Variants in OPRM1 observed in about 807,000 individuals in gnomAD.
The protein encoded by OPRM1 is opioid receptor mu 1.
In OPRM1, 27 loss-of-function variants were observed where a neutral mutation model predicts 31.8. The observed-to-expected ratio is 0.85, with a 90% CI of 0.63 to 1.17. The LOEUF (loss-of-function observed/expected upper bound fraction) is 1.17, where lower values mean the gene tolerates loss of function less well. OPRM1 is among the 50% of genes most tolerant of loss of function. OPRM1 has a pLI of 0.00. For synonymous variants in OPRM1, 196 were observed against 189.9 expected (o/e 1.03, Z -0.26); for missense variants, 536 against 511.1 (o/e 1.05, Z -0.47).
intron 1 of OPRM1, among the ~76,000 whole-genome samples, 197 bp downstream of exon 1, chr6:154,040,031 TAAAG>T (rs556101319): frequency 1.6e-4 from 24 of 152,028 alleles, no homozygotes; most frequent in South Asian, 1.5e-3. Flanking sequence ...CTTCAACTGA[TAAAG>T]AAAGAATTCA....
rs1054490730 is a variant in OPRM1, at chr6:154,132,251, T to A, written c.*13530T>A. On this transcript the variant is annotated 3_prime_UTR_variant, in exon 4 of 4. Transcript: ENST00000330432. ...ATAAATTTTTGCATTGTATTGTTCT[T>A]GATGTACCAGCATACATAAACATAT... 1.3e-4 allele frequency among the ~76,000 whole-genome samples: 20 copies of A among 152,228 alleles called. No homozygotes were observed. Among genetic ancestry groups the A allele is most frequent in the African/African-American group, 4.6e-4 (19 of 41,458 alleles).
At position 154,164,207 on chromosome 6, in the gene OPRM1, G is replaced by T. The variant is rs1799245468; in HGVS notation, c.1164+72735G>T. Among the ~76,000 whole-genome samples the T allele has an allele frequency of 2.6e-5, 4 of 152,226 alleles. No individual in the cohort carries two copies. In the South Asian group the frequency reaches 6.2e-4, roughly 24 times the overall value. ...TCTTTGAAAATTAATAAAAATTGGG[G>T]AAACTGACTTTGCATACATGAATTA... On this transcript the variant is annotated intron_variant, in intron 3 of 3. Transcript: ENST00000337049.
chr6:154,140,837 T>G (rs1393028086), intron 3 of OPRM1, among the ~76,000 whole-genome samples: 1 of 152,226 alleles, frequency 6.6e-6, no homozygotes, highest in Admixed American at 6.5e-5. Flanking sequence ...GGCCACTTCC[T>G]AACTACTCAG....
At chr6:154,212,920 C>G in intron 3 of OPRM1, 1 of 1,116,806 alleles carries the variant, frequency 9.0e-7, no homozygotes, top group Non-Finnish European at 1.4e-6. Context: ...AATGCATGAG[C>G]AGAGGTTTAT....
In OPRM1 at chr6:154,119,279, T is replaced by TA; in HGVS notation, c.*565dup. 7 of 985,524 alleles carry TA rather than the reference T, an allele frequency of 7.1e-6. No homozygotes were observed. The highest frequency in any genetic ancestry group is 8.4e-6 in the Non-Finnish European group (7 of 829,880). 61.0% of individuals were successfully genotyped at this position (985,524 alleles called of 1,614,324 possible). The stretch of plus-strand genomic sequence containing the variant: ...CTCCATTTCTTGGTTTTGTATTGTT[T>TA]AAAAAAATAACATCTCTTTCATCTA... On this transcript the variant is annotated 3_prime_UTR_variant, in exon 4 of 4. Transcript: ENST00000330432.
At chr6:154,209,325 T>C (rs1583804340) in intron 3 of OPRM1, among the ~76,000 whole-genome samples, 1 of 152,308 alleles carries the variant, frequency 6.6e-6, no homozygotes, top group East Asian at 1.9e-4. Flanking sequence ...CTATACTGTA[T>C]TGGGCCAAAC....
At chr6:154,040,612 G>A (rs1258457106) in intron 1 of OPRM1, among the ~76,000 whole-genome samples, 1 of 152,150 alleles carries the variant, frequency 6.6e-6, no homozygotes, top group Non-Finnish European at 1.5e-5. Flanking sequence ...CGCAGGACAT[G>A]GCTGTATTTC....
chr6:154,019,504 A>G (rs768839593), intron 1 of OPRM1, among the ~76,000 whole-genome samples: 2 of 152,122 alleles, frequency 1.3e-5, no homozygotes, highest in Non-Finnish European at 2.9e-5. Flanking sequence ...TTATAGTACC[A>G]TATAGAATAG....
intron 1 of OPRM1, among the ~76,000 whole-genome samples, chr6:154,052,135 C>T (rs750670822): frequency 6.6e-6 from 1 of 151,832 alleles, no homozygotes; most frequent in Non-Finnish European, 1.5e-5. Flanking sequence ...AATGAGAACA[C>T]GTGGACACAG....
upstream of OPRM1, among the ~76,000 whole-genome samples, chr6:154,037,566 A>G (rs1177596908): frequency 1.3e-5 from 2 of 152,120 alleles, no homozygotes; most frequent in African/African-American, 4.8e-5. Context: ...TCAGAACTAC[A>G]TCTTATAAGA....
chr6:154,058,997 T>C (rs1583285223), intron 1 of OPRM1, among the ~76,000 whole-genome samples: 1 of 152,182 alleles, frequency 6.6e-6, no homozygotes, highest in Non-Finnish European at 1.5e-5. Flanking sequence ...TGCTTAAAAA[T>C]TGTTTTATTC....
intron 1 of OPRM1, among the ~76,000 whole-genome samples, chr6:154,015,954 T>C (rs1777980041): frequency 6.6e-6 from 1 of 151,898 alleles, no homozygotes; most frequent in Admixed American, 6.6e-5. Context: ...GAGGTTGAAA[T>C]CACATTCTGT....
intron 1 of OPRM1, among the ~76,000 whole-genome samples, chr6:154,013,710 G>A (rs1399254145): frequency 1.3e-5 from 2 of 152,044 alleles, no homozygotes; most frequent in African/African-American, 2.4e-5. Flanking sequence ...TGATGTTGGC[G>A]GGGGTTGGCT....
chr6:154,027,456 A>G (rs1347695138), intron 1 of OPRM1, among the ~76,000 whole-genome samples: 1 of 152,156 alleles, frequency 6.6e-6, no homozygotes, highest in African/African-American at 2.4e-5. Context: ...GTCTTACTCA[A>G]GACCTGCTAT....
rs942575023 is a variant in OPRM1, at chr6:154,126,455, G to C, written c.*7734G>C. On this transcript the variant is annotated 3_prime_UTR_variant, in exon 4 of 4. Coordinates refer to ENST00000330432, the MANE Select transcript of OPRM1 (RefSeq NM_000914.5). ...AATTATATTCCCCCATTTCAAGAAG[G>C]GCAGAAGTGTCCCAACACTACCCAA... Among the ~76,000 whole-genome samples, 4 of 152,164 alleles carry C rather than the reference G, an allele frequency of 2.6e-5. No individual in the cohort carries two copies. Among genetic ancestry groups the C allele is most frequent in the African/African-American group, 9.7e-5 (4 of 41,436 alleles).
rs1475135889 is a variant in OPRM1, at chr6:154,168,690, A to G, written c.1164+77218A>G. 1.3e-5 allele frequency among the ~76,000 whole-genome samples: 2 copies of G among 151,930 alleles called. No individual in the cohort carries two copies. The highest frequency in any genetic ancestry group is 2.9e-5 in the Non-Finnish European group (2 of 67,978). ...GCACAATCTTGGCTCACTGAAACCT[A>G]CACCTCCCAGGTTCAAGTGATTCTC... On this transcript the variant is annotated intron_variant, in intron 3 of 3. Transcript: ENST00000337049. This position sits in a 1 kb window ranked among gnomAD's most constrained non-coding sequence, Gnocchi z 4.1.
intron 1 of OPRM1, among the ~76,000 whole-genome samples, chr6:154,068,885 T>C (rs1379689328): frequency 6.6e-6 from 1 of 152,222 alleles, no homozygotes; most frequent in Non-Finnish European, 1.5e-5. Context: ...TTGTATTTTT[T>C]GTAATCATCA....
chr6:154,027,551 C>T lies in OPRM1; in HGVS notation c.1-11610C>T, dbSNP rs1305906086. Among the ~76,000 whole-genome samples, 9 of 152,174 alleles carry T rather than the reference C, an allele frequency of 5.9e-5. No individual in the cohort carries two copies. The East Asian group carries it at 1.7e-3, about 29-fold the overall frequency. On this transcript the variant is annotated intron_variant, in intron 1 of 5. Coordinates refer to the OPRM1 transcript ENST00000434900. ...TGGCAAAGCCAACCAGGCCTGTGTC[C>T]TTCCCTTCAGTGTGACAAGTTCCTC...
intron 1 of OPRM1, 129 bp downstream of exon 1, chr6:154,039,963 G>A: frequency 2.8e-6 from 2 of 721,946 alleles, no homozygotes; most frequent in Non-Finnish European, 4.4e-6. Flanking sequence ...GGGGACTCTG[G>A]AGGAGACCAC....
Sources: allele counts gnomAD v4.1 joint callset (sites outside exome capture counted in the v4.1 genomes callset), GRCh38; gene constraint gnomAD v4.1.1; non-coding constraint Gnocchi (gnomAD v3.1); transcripts MANE v1.5; gene names NCBI Gene and HGNC (gene_info 2026-07-23, HGNC 2026-07-21).